Variants in EFCAB6 observed in about 807,000 individuals in gnomAD.
EFCAB6 encodes EF-hand calcium binding domain 6, also known as EF-hand calcium-binding domain-containing protein 6.
EFCAB6 carries 156 observed loss-of-function variants against 169.8 expected under a neutral mutation model. The observed-to-expected ratio is 0.92, with a 90% CI of 0.81 to 1.05. The LOEUF (loss-of-function observed/expected upper bound fraction) is 1.05. Among genes scored for constraint, EFCAB6 ranks in the 50% least tolerant of loss-of-function variants. The probability of loss-of-function intolerance (pLI) is 0.00; values close to 1 mark genes in which losing one functional copy is unlikely to be tolerated. For synonymous variants in EFCAB6, 698 were observed against 676.4 expected, an observed-to-expected ratio of 1.03 and a Z score of -0.50; for missense variants, 1,800 against 1,829.1, an observed-to-expected ratio of 0.98 and a Z score of 0.29.
At chr22:43,634,751 T>A (rs1000797522) in intron 18 of EFCAB6, among the ~76,000 whole-genome samples, 42 of 152,168 alleles carry the variant, frequency 2.8e-4, no homozygotes, top group Non-Finnish European at 7.3e-5. Flanking sequence ...ATAATATTCG[T>A]GTTGCCTGTG....
Position 43,738,855 on chromosome 22 carries a change from T to A in EFCAB6, c.508-2862A>T, listed in dbSNP as rs1013709699. Among the ~76,000 whole-genome samples, 56 of 152,116 alleles carry A rather than the reference T, an allele frequency of 3.7e-4. 1 individual carries two copies. Among genetic ancestry groups the A allele is most frequent in the Non-Finnish European group, 4.9e-4 (33 of 68,006 alleles). Reference sequence around the variant, plus strand: ...CCCACTTGCAGCTGGCCTGGCTCCATCCCCACATGAGACAGGTGCCTCCTG... The same window carrying A: ...CCCACTTGCAGCTGGCCTGGCTCCAACCCCACATGAGACAGGTGCCTCCTG... On this transcript the variant is annotated intron_variant, in intron 6 of 31. Coordinates refer to ENST00000262726, the MANE Select transcript of EFCAB6 (RefSeq NM_022785.4).
At chr22:43,648,627 C>T (rs545574117) in intron 17 of EFCAB6, among the ~76,000 whole-genome samples, 46 of 152,184 alleles carry the variant, frequency 3.0e-4, no homozygotes, top group African/African-American at 9.4e-4. Flanking sequence ...ACCTGGGTGG[C>T]GGGATTATTC....
At chr22:43,778,771 G>A (rs534011843) in intron 3 of EFCAB6, among the ~76,000 whole-genome samples, 2 of 152,340 alleles carry the variant, frequency 1.3e-5, no homozygotes, top group South Asian at 4.1e-4. Flanking sequence ...CAGCTTACCT[G>A]AGAGATTAAA....
intron 10 of EFCAB6, among the ~76,000 whole-genome samples, chr22:43,709,606 C>T (rs2059084990): frequency 6.6e-6 from 1 of 151,998 alleles, no homozygotes. Context: ...TACGTGAATA[C>T]AAAAATGGAA....
In EFCAB6 at chr22:43,718,525, G is replaced by A. The variant is rs148286597; in HGVS notation, c.758-1553C>T. On this transcript the variant is annotated intron_variant, in intron 8 of 31. Transcript: ENST00000262726. Reference sequence around the variant, plus strand: ...TGGCCAGGCACAGTGGCTCATGCCTGTAATCCCAGCACTTTGGGAGGCCAA... The same window carrying A: ...TGGCCAGGCACAGTGGCTCATGCCTATAATCCCAGCACTTTGGGAGGCCAA... Among the ~76,000 whole-genome samples, 114 of 152,344 alleles carry A rather than the reference G, an allele frequency of 7.5e-4. 2 individuals carry two copies. The East Asian group carries it at 0.019, about 26-fold the overall frequency.
At chr22:43,612,041 A>G (rs2053346955) in intron 21 of EFCAB6, among the ~76,000 whole-genome samples, 1 of 152,190 alleles carries the variant, frequency 6.6e-6, no homozygotes, top group Admixed American at 6.5e-5. Context: ...AACAAAGCTG[A>G]CAAAACCCAG....
chr22:43,768,683 G>C (rs1490218696), intron 4 of EFCAB6, among the ~76,000 whole-genome samples: 1 of 152,186 alleles, frequency 6.6e-6, no homozygotes, highest in African/African-American at 2.4e-5. Context: ...AAAAGTCTTT[G>C]AAGTTCTACA....
intron 3 of EFCAB6, among the ~76,000 whole-genome samples, chr22:43,779,507 C>T (rs1215836352): frequency 1.3e-5 from 2 of 152,068 alleles, no homozygotes; most frequent in South Asian, 4.1e-4. Context: ...TTTGGGAGGC[C>T]GAGGTGGGCG....
chr22:43,745,299 C>T (rs1423474131), intron 6 of EFCAB6, among the ~76,000 whole-genome samples: 1 of 152,244 alleles, frequency 6.6e-6, no homozygotes, highest in Non-Finnish European at 1.5e-5. Context: ...AATTCCCACT[C>T]CGCCTGGAAA....
At chr22:43,560,882 T>C (rs902731429) in intron 26 of EFCAB6, among the ~76,000 whole-genome samples, 1 of 152,008 alleles carries the variant, frequency 6.6e-6, no homozygotes, top group Non-Finnish European at 1.5e-5. Context: ...CCGCCCTCAC[T>C]TGGGGAGGCA....
intron 5 of EFCAB6, among the ~76,000 whole-genome samples, chr22:43,760,809 C>T (rs59842002): frequency 0.082 from 12,413 of 152,192 alleles, 657 homozygotes; most frequent in South Asian, 0.2. Flanking sequence ...ACCACAGGCA[C>T]GCGCCACCAC....
intron 3 of EFCAB6, among the ~76,000 whole-genome samples, chr22:43,774,598 G>A (rs919058497): frequency 4.0e-5 from 6 of 151,786 alleles, no homozygotes; most frequent in Non-Finnish European, 5.9e-5. Context: ...ACTGGGATGC[G>A]GCGGTCCAGT....
At chr22:43,767,320 C>G (rs944924865) in intron 4 of EFCAB6, among the ~76,000 whole-genome samples, 1 of 152,178 alleles carries the variant, frequency 6.6e-6, no homozygotes, top group Non-Finnish European at 1.5e-5. Context: ...CTCTGTAAAG[C>G]CTTTTCCTGG....
intron 2 of EFCAB6, among the ~76,000 whole-genome samples, chr22:43,783,121 A>T (rs557403693): frequency 1.3e-4 from 20 of 152,298 alleles, no homozygotes; most frequent in African/African-American, 4.6e-4. Context: ...CCTACTCCCA[A>T]GGCTGTCTTT....
chr22:43,591,315 G>A (rs2051530985), intron 23 of EFCAB6, among the ~76,000 whole-genome samples: 1 of 151,632 alleles, frequency 6.6e-6, no homozygotes. Context: ...AAATTAGCCA[G>A]GCATGGCGGT....
intron 10 of EFCAB6, among the ~76,000 whole-genome samples, chr22:43,695,654 G>C (rs1462462601): frequency 1.3e-5 from 2 of 152,028 alleles, no homozygotes; most frequent in African/African-American, 4.8e-5. Context: ...AGAGACTAAG[G>C]AATCCAGAAA....
intron 15 of EFCAB6, among the ~76,000 whole-genome samples, chr22:43,671,239 T>C (rs1236779774): frequency 6.6e-6 from 1 of 152,168 alleles, no homozygotes; most frequent in Non-Finnish European, 1.5e-5. Flanking sequence ...TTTGCTCTAG[T>C]TGCCCAGGCT....
At chr22:43,616,932 C>T (rs116762624) in intron 20 of EFCAB6, among the ~76,000 whole-genome samples, 48 of 152,304 alleles carry the variant, frequency 3.2e-4, no homozygotes, top group African/African-American at 1.1e-3. Flanking sequence ...ACCTGACTCC[C>T]GCTGCCCTTG....
In EFCAB6 at chr22:43,677,978, A is replaced by C. The variant is rs1384650306; in HGVS notation, c.1419+18T>G. 1 of 1,598,086 alleles carries C rather than the reference A, an allele frequency of 6.3e-7. No homozygotes were observed. Among genetic ancestry groups the C allele is most frequent in the Non-Finnish European group, 8.5e-7 (1 of 1,171,554 alleles). On this transcript the variant is annotated intron_variant, in intron 13 of 31. Transcript: ENST00000262726. ...AACATAAAGAGAAAACCAAACAGGAAGTTGTTACAAAACTCACCCTACAGT... is the reference window on the plus strand; with the variant it reads ...AACATAAAGAGAAAACCAAACAGGACGTTGTTACAAAACTCACCCTACAGT...
Sources: allele counts gnomAD v4.1 joint callset (sites outside exome capture counted in the v4.1 genomes callset), GRCh38; gene constraint gnomAD v4.1.1; transcripts MANE v1.5; gene names NCBI Gene and HGNC (gene_info 2026-07-23, HGNC 2026-07-21).